The following PRKN variants were observed in gnomAD, a reference collection of about 807,000 sequenced individuals.
PRKN encodes the protein parkin RBR E3 ubiquitin protein ligase.
Under a neutral mutation model 59.5 loss-of-function variants are expected in PRKN, and 56 were observed. The ratio of observed to expected loss-of-function variants is 0.94; its 90% CI spans 0.76 to 1.18. PRKN has a LOEUF of 1.18. PRKN is among the 50% of genes most tolerant of loss of function. The probability of loss-of-function intolerance (pLI) is 0.00; values close to 1 mark genes in which losing one functional copy is unlikely to be tolerated. For synonymous variants in PRKN, 250 were observed against 222.1 expected (o/e 1.13, Z -1.12); for missense variants, 657 against 596.4 (o/e 1.10, Z -1.06).
At chr6:162,019,853 T>C (rs1485445780) in intron 5 of PRKN, among the ~76,000 whole-genome samples, 3 of 151,994 alleles carry the variant, frequency 2.0e-5, no homozygotes, top group Non-Finnish European at 4.4e-5. Flanking sequence ...ACCCTGTCTC[T>C]ACTAAAAATA....
At chr6:162,425,230 T>C (rs1029723696) in intron 2 of PRKN, among the ~76,000 whole-genome samples, 1 of 152,006 alleles carries the variant, frequency 6.6e-6, no homozygotes, top group African/African-American at 2.4e-5. Context: ...AAAATAAACA[T>C]AAAAAAGTAG....
intron 7 of PRKN, among the ~76,000 whole-genome samples, chr6:161,743,457 G>A (rs1400326681): frequency 6.6e-6 from 1 of 151,276 alleles, no homozygotes. Context: ...CACCACGTTA[G>A]CCAGAATGGT....
chr6:162,102,681 C>T (rs898261796), intron 4 of PRKN, among the ~76,000 whole-genome samples: 6 of 146,258 alleles, frequency 4.1e-5, no homozygotes, highest in Non-Finnish European at 4.4e-5. Context: ...GTCCACCAAA[C>T]TACAAAGCCC....
chr6:162,185,059 A>T (rs2128324340), intron 4 of PRKN, among the ~76,000 whole-genome samples: 1 of 152,292 alleles, frequency 6.6e-6, no homozygotes. Flanking sequence ...TGGCATCGTT[A>T]TGAAACTTGT....
chr6:161,570,135 A>AT (rs1257100045), intron 7 of PRKN, among the ~76,000 whole-genome samples: 16 of 134,854 alleles, frequency 1.2e-4, no homozygotes, highest in African/African-American at 3.0e-4. Flanking sequence ...AAAAAAAAAA[A>AT]AAAAAAAAAA....
At position 161,401,492 on chromosome 6, in the gene PRKN, A is replaced by G. The variant is rs575858494; in HGVS notation, c.1084-14615T>C. On this transcript the variant is annotated intron_variant, in intron 9 of 11. Transcript: ENST00000366898. The surrounding 1 kb of genome is among the most constrained non-coding windows in gnomAD (Gnocchi z 4.4). ...GCTGGGCGTGGTGGTGGACGCCTGT[A>G]ATCCCAGCTACTCAGGAGGCTGAGG... Among the ~76,000 whole-genome samples the G allele has an allele frequency of 2.6e-5, 4 of 152,198 alleles. No individual in the cohort carries two copies. In the South Asian group the frequency reaches 6.2e-4, roughly 24 times the overall value.
intron 7 of PRKN, among the ~76,000 whole-genome samples, chr6:161,663,153 G>C (rs906965054): frequency 6.6e-6 from 1 of 152,192 alleles, no homozygotes; most frequent in African/African-American, 2.4e-5. Flanking sequence ...AGGCTTCCCA[G>C]TCACGTGGAA....
chr6:162,672,715 T>C (rs940019216), intron 1 of PRKN, among the ~76,000 whole-genome samples: 3 of 146,426 alleles, frequency 2.0e-5, no homozygotes, highest in Non-Finnish European at 4.6e-5. Flanking sequence ...TGTGTGTGTG[T>C]GTGTATGCAT....
At chr6:161,956,935 C>T (rs1202335630) in intron 6 of PRKN, among the ~76,000 whole-genome samples, 2 of 152,116 alleles carry the variant, frequency 1.3e-5, no homozygotes, top group African/African-American at 2.4e-5. Flanking sequence ...GTGTTGTCAC[C>T]GGCATTCCTG....
intron 2 of PRKN, among the ~76,000 whole-genome samples, chr6:162,307,344 G>A (rs1782278430): frequency 6.7e-6 from 1 of 149,648 alleles, no homozygotes; most frequent in Non-Finnish European, 1.5e-5. Context: ...AGGTTGCAGT[G>A]AACTGAGACC....
intron 1 of PRKN, among the ~76,000 whole-genome samples, chr6:162,625,617 G>A (rs992074575): frequency 6.6e-6 from 1 of 151,624 alleles, no homozygotes; most frequent in Non-Finnish European, 1.5e-5. Flanking sequence ...CTCCCTTATT[G>A]TCTTTCTCCA....
chr6:161,973,456 G>T, intron 5 of PRKN, 39 bp from the exon 6 acceptor site: 3 of 1,148,902 alleles, frequency 2.6e-6, no homozygotes, highest in South Asian at 2.5e-5. Context: ...CATGGATCCC[G>T]GCTGCTCATT....
At chr6:162,521,821 C>G in intron 1 of PRKN, among the ~76,000 whole-genome samples, 2 of 152,152 alleles carry the variant, frequency 1.3e-5, no homozygotes, top group South Asian at 2.1e-4. Flanking sequence ...TCACAGCTTA[C>G]TTAATAAAAG....
chr6:162,125,715 G>A (rs1378881599), intron 4 of PRKN, among the ~76,000 whole-genome samples: 1 of 152,108 alleles, frequency 6.6e-6, no homozygotes, highest in Non-Finnish European at 1.5e-5. Context: ...GTCAATTATT[G>A]AACCTGGTAG....
chr6:162,163,324 C>T lies in PRKN; in HGVS notation c.534+37807G>A, dbSNP rs1054296721. ...TTTATCTATAAAGAATGCTGGTCCT[C>T]ACTATTTTTCATTAATCAAATGCAA... On this transcript the variant is annotated intron_variant, in intron 4 of 11. Transcript: ENST00000366898. Among the ~76,000 whole-genome samples, 2 of 149,474 alleles carry T rather than the reference C, an allele frequency of 1.3e-5. 1 individual carries two copies. The highest frequency in any genetic ancestry group is 5.0e-5 in the African/African-American group (2 of 39,834).
rs1291893720 is a variant in PRKN, at chr6:161,588,636, C to A, written c.872-19220G>T. Reference sequence around the variant, plus strand: ...GTGCATACCGTAAAGCCCCATGATACTGATCCATGTGAGCCACCAACTTGG... The same window carrying A: ...GTGCATACCGTAAAGCCCCATGATAATGATCCATGTGAGCCACCAACTTGG... On this transcript the variant is annotated intron_variant, in intron 7 of 11. Coordinates refer to ENST00000366898, the MANE Select transcript of PRKN (RefSeq NM_004562.3). This position sits in a 1 kb window ranked among gnomAD's most constrained non-coding sequence, Gnocchi z 5.0. Among the ~76,000 whole-genome samples, 1 of 152,018 alleles carries A rather than the reference C, an allele frequency of 6.6e-6. No individual in the cohort carries two copies. The highest frequency in any genetic ancestry group is 1.5e-5 in the Non-Finnish European group (1 of 68,006).
intron 2 of PRKN, among the ~76,000 whole-genome samples, chr6:162,317,648 A>C (rs781600471): frequency 1.3e-5 from 2 of 152,062 alleles, no homozygotes; most frequent in African/African-American, 2.4e-5. Context: ...CTCTACAAAG[A>C]GCACAATCAC....
At chr6:162,494,192 A>T (rs1792950713) in intron 1 of PRKN, among the ~76,000 whole-genome samples, 1 of 152,174 alleles carries the variant, frequency 6.6e-6, no homozygotes. Context: ...AGATGGGCTG[A>T]AGCAGCCACC....
intron 4 of PRKN, among the ~76,000 whole-genome samples, chr6:162,086,857 G>GTGAC (rs1779267202): frequency 6.6e-6 from 1 of 152,198 alleles, no homozygotes; most frequent in Non-Finnish European, 1.5e-5. Context: ...CTGAATTCCA[G>GTGAC]TGACTAGTCT....
Sources: gnomAD v4.1 joint callset for allele counts (sites outside exome capture counted in the v4.1 genomes callset) on GRCh38, gnomAD v4.1.1 for gene constraint, Gnocchi (gnomAD v3.1) non-coding constraint, MANE v1.5 for transcripts, NCBI Gene and HGNC (gene_info 2026-07-23, HGNC 2026-07-21) for gene names.